Variants in COPE observed in about 807,000 individuals in gnomAD.
COPE encodes coatomer subunit epsilon.
A neutral mutation model predicts 42.1 loss-of-function variants in COPE; 19 were observed. The ratio of observed to expected loss-of-function variants is 0.45; its 90% CI spans 0.31 to 0.66. COPE has a LOEUF of 0.66. Among genes scored for constraint, COPE ranks in the 30% least tolerant of loss-of-function variants. The pLI is 0.05. For missense variants in COPE, 402 were observed against 416.1 expected, an observed-to-expected ratio of 0.97 and a Z score of 0.30; for synonymous variants, 195 against 181.3, an observed-to-expected ratio of 1.08 and a Z score of -0.60.
Position 18,899,563 on chromosome 19 carries a change from T to G in COPE, c.*116A>C, listed in dbSNP as rs1219355543. 9.9e-5 allele frequency: 97 copies of G among 980,046 alleles called. 1 individual carries two copies. The South Asian group carries it at 1.2e-3, about 13-fold the overall frequency. The allele number at this position is 980,046 out of a possible 1,614,324, so 60.7% of individuals were successfully genotyped here. On this transcript the variant is annotated 3_prime_UTR_variant, in exon 10 of 10. Transcript: ENST00000262812. ...GATATTTATTAACAGATGGGGGTGC[T>G]GGGGGTGGGCTCCTGCCCCCAGAGG...
intron 4 of COPE, 94 bp downstream of exon 4, chr19:18,906,866 C>T (rs2056764315): frequency 2.2e-6 from 3 of 1,391,352 alleles, no homozygotes; most frequent in African/African-American, 1.4e-5. Flanking sequence ...TCTCTGCTCC[C>T]ATGACGACAG....
chr19:18,919,023 G>A (rs541100992), intron 1 of COPE, among the ~76,000 whole-genome samples, 200 bp downstream of exon 1: 6 of 152,272 alleles, frequency 3.9e-5, no homozygotes, highest in Non-Finnish European at 8.8e-5. Flanking sequence ...AACGCTGTAC[G>A]AGTGAGCAGT....
chr19:18,903,162 G>A (rs1427162484), intron 7 of COPE, 106 bp downstream of exon 7: 3 of 1,225,752 alleles, frequency 2.4e-6, no homozygotes, highest in Non-Finnish European at 2.2e-6. Context: ...GGGGCCACAC[G>A]CACACCCAGG....
chr19:18,906,927 C>G, intron 4 of COPE, 33 bp downstream of exon 4: 1 of 1,537,990 alleles, frequency 6.5e-7, no homozygotes, highest in South Asian at 1.2e-5. Flanking sequence ...ACTTGCCTCC[C>G]TGGGCTGGCC....
intron 3 of COPE, chr19:18,910,721 C>A: frequency 1.8e-6 from 1 of 560,478 alleles, no homozygotes; most frequent in Non-Finnish European, 3.2e-6. Context: ...GCCTTGTGGT[C>A]CATGAGGGCG....
Position 18,899,953 on chromosome 19 carries a change from G to GGGA in COPE, c.805-7_805-6insTCC, listed in dbSNP as rs2056680791. On this transcript the variant is annotated splice_polypyrimidine_tract_variant and splice_region_variant and intron_variant, in intron 8 of 9. Coordinates refer to ENST00000262812, the MANE Select transcript of COPE (RefSeq NM_007263.4). ...GACAGGTATCGGTTTGTCACCTGCA[G>GGGA]GGGAGGCAGGGAGGCAGGTGAGCCG... 1 of 1,611,400 alleles carries GGGA rather than the reference G, an allele frequency of 6.2e-7. No homozygotes were observed. The highest frequency in any genetic ancestry group is 1.3e-5 in the African/African-American group (1 of 74,914).
intron 3 of COPE, 55 bp downstream of exon 3, chr19:18,910,901 CCAGGTTCATAACCAA>C: frequency 7.2e-7 from 1 of 1,387,818 alleles, no homozygotes; most frequent in Non-Finnish European, 1.0e-6. Context: ...CCCCACCCAC[CCAGGTTCATAACCAA>C]CAGGCCTTGA....
At chr19:18,913,254 C>A (rs138147886) in intron 1 of COPE, among the ~76,000 whole-genome samples, 1 of 152,228 alleles carries the variant, frequency 6.6e-6, no homozygotes, top group Non-Finnish European at 1.5e-5. Context: ...TCATCCCGCG[C>A]TGACACCACC....
chr19:18,910,799 T>C (rs1601227403), intron 3 of COPE, 172 bp downstream of exon 3: 2 of 627,552 alleles, frequency 3.2e-6, no homozygotes, highest in Non-Finnish European at 5.7e-6. Context: ...CCCCCACTGC[T>C]GTGCAGGTGA....
chr19:18,906,829 G>T, intron 4 of COPE, 131 bp downstream of exon 4: 1 of 1,102,700 alleles, frequency 9.1e-7, no homozygotes, highest in Non-Finnish European at 1.3e-6. Context: ...TGGACAGCAG[G>T]CCAGGGCCTC....
chr19:18,908,357 G>A (rs894444993), intron 3 of COPE, among the ~76,000 whole-genome samples: 1 of 151,978 alleles, frequency 6.6e-6, no homozygotes, highest in Non-Finnish European at 1.5e-5. Flanking sequence ...AGCCCGGGAG[G>A]TTGAAGCTGC....
chr19:18,900,012 G>A (rs2056681548), intron 8 of COPE, 65 bp from the exon 9 acceptor site: 2 of 1,426,320 alleles, frequency 1.4e-6, no homozygotes, highest in Non-Finnish European at 1.9e-6. Flanking sequence ...CTGACCTGCT[G>A]GACAGGGGTG....
chr19:18,916,583 T>C (rs937835461), intron 1 of COPE, among the ~76,000 whole-genome samples: 4 of 149,652 alleles, frequency 2.7e-5, no homozygotes, highest in African/African-American at 9.9e-5. Context: ...AGGTCAGGAG[T>C]TACAGACGAG....
At chr19:18,905,185 C>T (rs1460774539) in intron 5 of COPE, among the ~76,000 whole-genome samples, 1 of 152,156 alleles carries the variant, frequency 6.6e-6, no homozygotes, top group African/African-American at 2.4e-5. Flanking sequence ...GCTTTGGAAA[C>T]GGCAGCAGGG....
intron 2 of COPE, among the ~76,000 whole-genome samples, chr19:18,911,733 T>C (rs1455198240): frequency 4.0e-5 from 6 of 151,830 alleles, no homozygotes; most frequent in African/African-American, 2.4e-5. Flanking sequence ...TTTGTATTTT[T>C]AGTAGAGACG....
In COPE at chr19:18,899,800, G is replaced by A. The variant is rs1004875085; in HGVS notation, c.879+73C>T. 25 of 1,607,666 alleles carry A rather than the reference G, an allele frequency of 1.6e-5. No individual in the cohort carries two copies. The East Asian group carries it at 2.0e-4, about 13-fold the overall frequency. Reference sequence around the variant, plus strand: ...ACAGGTGGAGGGAGAGAGAGAGGGCGCATGTGAGCCCAGGCTGAGCTCCAG... The same window carrying A: ...ACAGGTGGAGGGAGAGAGAGAGGGCACATGTGAGCCCAGGCTGAGCTCCAG... On this transcript the variant is annotated intron_variant, in intron 9 of 9. Coordinates refer to ENST00000262812, the MANE Select transcript of COPE (RefSeq NM_007263.4).
chr19:18,918,103 T>C (rs1195580222), intron 1 of COPE, among the ~76,000 whole-genome samples: 6 of 146,164 alleles, frequency 4.1e-5, no homozygotes, highest in Admixed American at 3.6e-4. Flanking sequence ...GAAAGGAGAA[T>C]TGCTTGAACC....
intron 1 of COPE, 88 bp from the exon 2 acceptor site, chr19:18,913,134 C>G (rs759351774): frequency 1.4e-5 from 17 of 1,206,200 alleles, no homozygotes; most frequent in Non-Finnish European, 2.1e-5. Context: ...CCCCTGTACA[C>G]TGGGGACAGG....
intron 4 of COPE, chr19:18,905,837 G>C (rs2056753992): frequency 3.5e-6 from 2 of 566,090 alleles, no homozygotes; most frequent in Middle Eastern, 2.6e-4. Context: ...GAGGTACCCA[G>C]GATGGGGTTT....
Sources: allele counts gnomAD v4.1 joint callset (sites outside exome capture counted in the v4.1 genomes callset), GRCh38; gene constraint gnomAD v4.1.1; transcripts MANE v1.5; gene names NCBI Gene and HGNC (gene_info 2026-07-23, HGNC 2026-07-21).